PLXNA4: variants seen among roughly 807,000 people sequenced by gnomAD.
The protein encoded by PLXNA4 is plexin A4, also known as plexin-A4.
Under a neutral mutation model 191.8 loss-of-function variants are expected in PLXNA4, and 44 were observed. The observed-to-expected ratio is 0.23, with a 90% CI of 0.18 to 0.29. The LOEUF (loss-of-function observed/expected upper bound fraction) is 0.29, where lower values mean the gene tolerates loss of function less well. Among genes scored for constraint, PLXNA4 ranks in the 10% least tolerant of loss-of-function variants. PLXNA4 has a pLI of 1.00. For missense variants in PLXNA4, 1,800 were observed against 2,488.8 expected (o/e 0.72, Z 5.89); for synonymous variants, 1,082 against 1,009.5 (o/e 1.07, Z -1.36).
intron 31 of PLXNA4, 103 bp from the exon 32 acceptor site, chr7:132,130,677 C>T (rs1191693879): frequency 1.9e-6 from 3 of 1,553,038 alleles, no homozygotes; most frequent in Non-Finnish European, 1.8e-6. Flanking sequence ...GCCCGGGAAG[C>T]CACAGGCATG....
At chr7:132,583,447 C>T (rs1247462815) in intron 2 of PLXNA4, among the ~76,000 whole-genome samples, 2 of 152,216 alleles carry the variant, frequency 1.3e-5, no homozygotes, top group Admixed American at 1.3e-4. Flanking sequence ...CTCGCATCAC[C>T]TTCTCTCCTG....
At chr7:132,225,311 C>A (rs537039158) in intron 8 of PLXNA4, among the ~76,000 whole-genome samples, 1 of 152,350 alleles carries the variant, frequency 6.6e-6, no homozygotes, top group East Asian at 1.9e-4. Flanking sequence ...TTGTGGCTGT[C>A]CTGCAGGGTA....
In PLXNA4 at chr7:132,234,103, C is replaced by T. The variant is rs369715070; in HGVS notation, c.1605-5634G>A. ...AGTGGAGGGAGGGAGAGGGAGGGAA[C>T]GGCAGGAGAAGGGAAAAAGGAGGAG... On this transcript the variant is annotated intron_variant, in intron 5 of 31. Coordinates refer to ENST00000321063, the MANE Select transcript of PLXNA4 (RefSeq NM_020911.2). Among the ~76,000 whole-genome samples the T allele has an allele frequency of 7.2e-5, 11 of 151,898 alleles. No individual in the cohort carries two copies. The South Asian group carries it at 1.0e-3, about 14-fold the overall frequency.
intron 3 of PLXNA4, among the ~76,000 whole-genome samples, chr7:132,349,047 A>G (rs949602486): frequency 6.6e-6 from 1 of 152,152 alleles, no homozygotes; most frequent in East Asian, 1.9e-4. Context: ...CTCCTCTGTA[A>G]GACACTGGTA....
intron 20 of PLXNA4, among the ~76,000 whole-genome samples, chr7:132,176,436 G>A (rs906575035): frequency 2.0e-5 from 3 of 152,246 alleles, no homozygotes; most frequent in African/African-American, 4.8e-5. Flanking sequence ...GAACATGGGT[G>A]TGTATGCTTA....
At chr7:132,495,379 T>A (rs193085179) in intron 2 of PLXNA4, among the ~76,000 whole-genome samples, 1 of 152,168 alleles carries the variant, frequency 6.6e-6, no homozygotes, top group Non-Finnish European at 1.5e-5. Context: ...GTCTCTTCCA[T>A]AGCCACAGGC....
intron 4 of PLXNA4, among the ~76,000 whole-genome samples, chr7:132,285,715 T>C (rs1800658816): frequency 6.6e-6 from 1 of 152,388 alleles, no homozygotes; most frequent in East Asian, 1.9e-4. Context: ...GTCCCATTGA[T>C]ATTCAAACGG....
chr7:132,423,086 C>T (rs1227032837), intron 3 of PLXNA4, among the ~76,000 whole-genome samples: 1 of 152,196 alleles, frequency 6.6e-6, no homozygotes, highest in African/African-American at 2.4e-5. Flanking sequence ...TTACACGACT[C>T]CTGAACCGTG....
intron 2 of PLXNA4, among the ~76,000 whole-genome samples, chr7:132,625,428 G>A (rs1803351289): frequency 6.6e-6 from 1 of 152,184 alleles, no homozygotes. Flanking sequence ...GGTTAATTCT[G>A]CAATATTTCA....
At chr7:132,179,616 A>G in intron 20 of PLXNA4, 71 bp downstream of exon 20, 2 of 1,563,140 alleles carry the variant, frequency 1.3e-6, no homozygotes, top group Non-Finnish European at 1.7e-6. Flanking sequence ...ATACACATAC[A>G]CAGATGTGCA....
intron 2 of PLXNA4, among the ~76,000 whole-genome samples, chr7:132,604,274 C>A (rs1473916315): frequency 6.6e-6 from 1 of 152,162 alleles, no homozygotes; most frequent in Non-Finnish European, 1.5e-5. Flanking sequence ...AGCTCAGGAG[C>A]TGATGGGGAC....
chr7:132,444,932 G>A (rs951901786), intron 3 of PLXNA4, among the ~76,000 whole-genome samples: 7 of 151,738 alleles, frequency 4.6e-5, no homozygotes, highest in Non-Finnish European at 1.0e-4. Context: ...GGGAGGCCGA[G>A]GCGGGCGGAT....
chr7:132,526,540 C>G lies in PLXNA4; in HGVS notation c.-86-17761G>C, dbSNP rs563375783. Reference sequence around the variant, plus strand: ...TCAAAGGCCCCGCCAACCCACACACCCAAATTGCTGATTTGACTTCTAAGG... The same window carrying G: ...TCAAAGGCCCCGCCAACCCACACACGCAAATTGCTGATTTGACTTCTAAGG... On this transcript the variant is annotated intron_variant, in intron 1 of 31. Transcript: ENST00000321063. Among the ~76,000 whole-genome samples, 411 of 152,304 alleles carry G rather than the reference C, an allele frequency of 2.7e-3. 2 individuals are homozygous for G. Among genetic ancestry groups the G allele is most frequent in the African/African-American group, 7.1e-3 (293 of 41,560 alleles).
intron 3 of PLXNA4, among the ~76,000 whole-genome samples, chr7:132,392,276 T>C (rs1793528075): frequency 6.6e-6 from 1 of 152,208 alleles, no homozygotes; most frequent in African/African-American, 2.4e-5. Flanking sequence ...TAAATATTTA[T>C]TACATTAACA....
intron 4 of PLXNA4, among the ~76,000 whole-genome samples, chr7:132,289,972 C>T (rs769079275): frequency 7.2e-5 from 11 of 152,130 alleles, no homozygotes; most frequent in South Asian, 2.1e-4. Flanking sequence ...TACTGGTTTA[C>T]GCTGGAAGGA....
At chr7:132,619,474 T>C (rs986831712) in intron 2 of PLXNA4, among the ~76,000 whole-genome samples, 1 of 152,272 alleles carries the variant, frequency 6.6e-6, no homozygotes, top group Non-Finnish European at 1.5e-5. Context: ...TTGTGCTTGC[T>C]GGTATGTAAG....
At chr7:132,539,812 A>G (rs1332741525) in intron 1 of PLXNA4, among the ~76,000 whole-genome samples, 1 of 152,250 alleles carries the variant, frequency 6.6e-6, no homozygotes, top group African/African-American at 2.4e-5. Flanking sequence ...CACGATCACT[A>G]GGCAACTATC....
chr7:132,449,877 C>T (rs1796055512), intron 3 of PLXNA4, among the ~76,000 whole-genome samples: 1 of 152,230 alleles, frequency 6.6e-6, no homozygotes, highest in Non-Finnish European at 1.5e-5. Context: ...AGAATCTTCT[C>T]AAATATTTTG....
rs990677627 is a variant in PLXNA4 at position 132,123,912 on chromosome 7, C to G, written c.*6567G>C. 7 of 152,302 alleles carry G rather than the reference C, an allele frequency of 4.6e-5. No homozygotes were observed. The highest frequency in any genetic ancestry group is 1.7e-4 in the African/African-American group (7 of 41,480). 9.4% of individuals were successfully genotyped at this position (152,302 alleles called of 1,614,324 possible). ...CTGGGCCAAAACCCCTGCATCATCC[C>G]CACACGTCGGCTCGCTGAGCCATTG... On this transcript the variant is annotated 3_prime_UTR_variant, in exon 32 of 32. Transcript: ENST00000321063.
Sources: allele counts gnomAD v4.1 joint callset (sites outside exome capture counted in the v4.1 genomes callset), GRCh38; gene constraint gnomAD v4.1.1; transcripts MANE v1.5; gene names NCBI Gene and HGNC (gene_info 2026-07-23, HGNC 2026-07-21).